The following CTNNA2 variants were observed in gnomAD, a reference collection of about 807,000 sequenced individuals.
CTNNA2 encodes the protein catenin alpha-2.
Under a neutral mutation model 101.0 loss-of-function variants are expected in CTNNA2, and 42 were observed. The observed-to-expected ratio is 0.42, with a 90% CI of 0.32 to 0.54. The LOEUF (loss-of-function observed/expected upper bound fraction) is 0.54. Ranked by LOEUF, CTNNA2 falls within the 20% of genes least tolerant of loss-of-function variation. CTNNA2 has a pLI of 0.14. For missense variants in CTNNA2, 871 were observed against 1,223.1 expected (o/e 0.71, Z 4.29); for synonymous variants, 450 against 456.4 (o/e 0.99, Z 0.18).
intron 14 of CTNNA2, among the ~76,000 whole-genome samples, chr2:80,584,829 G>T (rs1049689155): frequency 2.0e-5 from 3 of 152,100 alleles, no homozygotes; most frequent in South Asian, 2.1e-4. Context: ...GATGCTTGTG[G>T]CTTGAGCTAA....
chr2:80,119,291 C>A (rs1187761846), intron 7 of CTNNA2, among the ~76,000 whole-genome samples: 1 of 152,162 alleles, frequency 6.6e-6, no homozygotes, highest in Non-Finnish European at 1.5e-5. Context: ...TTCCCTGACT[C>A]TCTCCCTGAC....
chr2:79,571,927 T>C (rs1255784060), intron 1 of CTNNA2, among the ~76,000 whole-genome samples: 1 of 152,190 alleles, frequency 6.6e-6, no homozygotes, highest in Non-Finnish European at 1.5e-5. Flanking sequence ...CAGTCCTTCT[T>C]TTTGGTAGCT....
intron 7 of CTNNA2, chr2:80,299,407 A>T (rs1194432114): frequency 6.6e-6 from 1 of 151,814 alleles, no homozygotes; most frequent in Non-Finnish European, 1.5e-5. Flanking sequence ...GCACAGGGGC[A>T]TGAAATGATG....
At chr2:79,917,268 G>A (rs1686317659) in intron 7 of CTNNA2, among the ~76,000 whole-genome samples, 1 of 151,444 alleles carries the variant, frequency 6.6e-6, no homozygotes, top group Admixed American at 6.6e-5. Flanking sequence ...ACGGGTTTCA[G>A]CATGTTGGCC....
In CTNNA2 at chr2:80,585,317, C is replaced by T. The variant is rs1408765597; in HGVS notation, c.2007+3498C>T. ...AATAGGTATAGTTTATAACAATCAC[C>T]GAAAAATGGTTGGTGGTTCAGAGGA... On this transcript the variant is annotated intron_variant, in intron 14 of 18. Transcript: ENST00000402739. Among the ~76,000 whole-genome samples, 3 of 151,956 alleles carry T rather than the reference C, an allele frequency of 2.0e-5. No homozygotes were observed. In the South Asian group the frequency reaches 6.2e-4, roughly 32 times the overall value.
intron 7 of CTNNA2, among the ~76,000 whole-genome samples, chr2:79,910,309 TAGTC>T (rs1685696196): frequency 6.6e-6 from 1 of 152,308 alleles, no homozygotes; most frequent in African/African-American, 2.4e-5. Flanking sequence ...TATTGATTCA[TAGTC>T]AGGAATTGCT....
intron 7 of CTNNA2, among the ~76,000 whole-genome samples, chr2:79,950,209 C>T (rs887023158): frequency 6.7e-6 from 1 of 150,270 alleles, no homozygotes; most frequent in Non-Finnish European, 1.5e-5. Flanking sequence ...AGAAAGCATC[C>T]TATGTGAGAG....
At chr2:79,665,253 A>G (rs1682332498) in intron 2 of CTNNA2, among the ~76,000 whole-genome samples, 1 of 151,840 alleles carries the variant, frequency 6.6e-6, no homozygotes, top group Non-Finnish European at 1.5e-5. Flanking sequence ...CACCCACACA[A>G]CTGGGCGTGG....
At chr2:80,313,489 A>G in intron 7 of CTNNA2, 12 of 1,563,392 alleles carry the variant, frequency 7.7e-6, no homozygotes, top group Non-Finnish European at 1.0e-5. Context: ...GATGTAAACA[A>G]GAGCTGTGGT....
At chr2:79,452,423 C>T (rs949924008) in intron 4 of CTNNA2, among the ~76,000 whole-genome samples, 5 of 150,968 alleles carry the variant, frequency 3.3e-5, no homozygotes, top group African/African-American at 4.9e-5. Flanking sequence ...TTTTTCATAG[C>T]GTTTCCTGCA....
At chr2:79,767,092 C>G (rs188153577) in intron 3 of CTNNA2, among the ~76,000 whole-genome samples, 2 of 151,992 alleles carry the variant, frequency 1.3e-5, no homozygotes, top group East Asian at 3.9e-4. Context: ...TTCGACCTCA[C>G]TAATTCTTTC....
intron 2 of CTNNA2, among the ~76,000 whole-genome samples, chr2:79,200,132 C>T (rs1674014059): frequency 6.6e-6 from 1 of 151,948 alleles, no homozygotes. Flanking sequence ...GCCTGTAATC[C>T]CAGCATTTTG....
At chr2:80,289,877 G>T (rs896212922) in intron 7 of CTNNA2, among the ~76,000 whole-genome samples, 2 of 152,304 alleles carry the variant, frequency 1.3e-5, no homozygotes, top group South Asian at 4.1e-4. Flanking sequence ...GGATGATGGA[G>T]TAATGAAGGA....
chr2:79,991,138 T>G (rs1692146410), intron 7 of CTNNA2, among the ~76,000 whole-genome samples: 1 of 152,202 alleles, frequency 6.6e-6, no homozygotes, highest in African/African-American at 2.4e-5. Context: ...TATCATTTTT[T>G]ATTGTGTCTA....
At chr2:80,267,214 T>C (rs559297138) in intron 7 of CTNNA2, among the ~76,000 whole-genome samples, 1 of 152,130 alleles carries the variant, frequency 6.6e-6, no homozygotes, top group Non-Finnish European at 1.5e-5. Context: ...ATCTTCCCAC[T>C]AGTTCTCAGA....
At chr2:79,884,396 C>T (rs1022976330) in intron 6 of CTNNA2, among the ~76,000 whole-genome samples, 3 of 152,144 alleles carry the variant, frequency 2.0e-5, no homozygotes, top group Non-Finnish European at 4.4e-5. Context: ...CTATGCTAAC[C>T]TCGGTTCCTC....
At chr2:79,464,229 G>A (rs151046946) in intron 4 of CTNNA2, among the ~76,000 whole-genome samples, 35 of 152,172 alleles carry the variant, frequency 2.3e-4, no homozygotes, top group South Asian at 8.3e-4. Context: ...GAGAACATGC[G>A]GTGTTTGGTT....
At chr2:80,402,051 C>CA (rs1678597514) in intron 8 of CTNNA2, among the ~76,000 whole-genome samples, 1 of 152,182 alleles carries the variant, frequency 6.6e-6, no homozygotes, top group African/African-American at 2.4e-5. Flanking sequence ...TCTGACTGAC[C>CA]AGCTATACAT....
chr2:80,129,708 G>GA (rs1208045550), intron 7 of CTNNA2, among the ~76,000 whole-genome samples: 1 of 152,142 alleles, frequency 6.6e-6, no homozygotes, highest in Non-Finnish European at 1.5e-5. Flanking sequence ...GAACTCCTGT[G>GA]AAAATCCCCA....
Sources: gnomAD v4.1 joint callset for allele counts (sites outside exome capture counted in the v4.1 genomes callset) on GRCh38, gnomAD v4.1.1 for gene constraint, MANE v1.5 for transcripts, NCBI Gene and HGNC (gene_info 2026-07-23, HGNC 2026-07-21) for gene names.